The following SLC10A7 variants were observed in gnomAD, a reference collection of about 807,000 sequenced individuals.
SLC10A7 encodes sodium/bile acid cotransporter 7.
SLC10A7 carries 29 observed loss-of-function variants against 43.2 expected under a neutral mutation model. The observed-to-expected ratio is 0.67, with a 90% confidence interval of 0.50 to 0.92. The LOEUF is 0.92. Among genes scored for constraint, SLC10A7 ranks in the 40% least tolerant of loss-of-function variants. The pLI, the probability that SLC10A7 is intolerant of heterozygous loss-of-function variation, is 0.00. For synonymous variants in SLC10A7, 152 were observed against 144.8 expected (o/e 1.05, Z -0.35); for missense variants, 295 against 403.2 (o/e 0.73, Z 2.30).
rs147825238 is a variant in SLC10A7, at chr4:146,396,396, A to C, written c.435+46387T>G. ...TTTACCAAAAGCTTTAAATCAAATA[A>C]ATTATTTTTTACATTATGGTATGAA... On this transcript the variant is annotated intron_variant, in intron 5 of 11. Transcript: ENST00000335472. Among the ~76,000 whole-genome samples, 262 of 152,220 alleles carry C rather than the reference A, an allele frequency of 1.7e-3. 3 individuals are homozygous for C. The highest frequency in any genetic ancestry group is 0.012 in the Admixed American group (186 of 15,292).
chr4:146,493,073 C>T lies in SLC10A7; in HGVS notation c.396+10776G>A, dbSNP rs140597013. On this transcript the variant is annotated intron_variant, in intron 4 of 11. Transcript: ENST00000335472. ...TAAGAAAAACAACTTCATAAATATA[C>T]ACAAATACATGTGTAATTAGCATGT... Among the ~76,000 whole-genome samples the T allele has an allele frequency of 1.9e-3, 292 of 152,202 alleles. 2 individuals carry two copies. The highest frequency in any genetic ancestry group is 5.9e-3 in the African/African-American group (245 of 41,536).
intron 4 of SLC10A7, among the ~76,000 whole-genome samples, chr4:146,481,346 C>T (rs1734457059): frequency 6.6e-6 from 1 of 152,204 alleles, no homozygotes; most frequent in Non-Finnish European, 1.5e-5. Context: ...AAAGTCATTG[C>T]TGCACTGTGC....
Position 146,503,914 on chromosome 4 carries a change from C to T in SLC10A7, c.331G>A (p.Val111Ile). 1.2e-6 allele frequency: 2 copies of T among 1,614,094 alleles called. No individual in the cohort carries two copies. The highest frequency in any genetic ancestry group is 1.3e-5 in the African/African-American group (1 of 75,066). ...NEWLLKGLQTVGCMPPPVSSA... is the reference protein window; with the variant it reads ...NEWLLKGLQTIGCMPPPVSSA... ...GACACAGGCGGAGGCATGCAACCTA[C>T]TGTCTGCAAACTGAAAAATAAAAGA... The change falls in exon 4 of 12, where the codon GTA becomes ATA. Residue 111 changes from valine to isoleucine, a missense_variant. Val to Ile is a conservative substitution (Grantham distance 29, BLOSUM62 3). Coordinates refer to ENST00000335472, the MANE Select transcript of SLC10A7 (RefSeq NM_001029998.6).
intron 5 of SLC10A7, among the ~76,000 whole-genome samples, chr4:146,343,215 T>C (rs1285137521): frequency 6.6e-6 from 1 of 152,012 alleles, no homozygotes; most frequent in Admixed American, 6.6e-5. Flanking sequence ...TGGGTTCTGT[T>C]TTTCTATTTT....
chr4:146,501,749 C>T (rs966430647), intron 4 of SLC10A7, among the ~76,000 whole-genome samples: 2 of 152,182 alleles, frequency 1.3e-5, no homozygotes, highest in Non-Finnish European at 2.9e-5. Context: ...GGCTAATACT[C>T]CCCAAACCTG....
chr4:146,487,270 G>C (rs1403328793), intron 4 of SLC10A7, among the ~76,000 whole-genome samples: 1 of 152,128 alleles, frequency 6.6e-6, no homozygotes, highest in Non-Finnish European at 1.5e-5. Context: ...AGACTTCTCT[G>C]CCCTCTCCTT....
At chr4:146,464,562 A>G (rs553984429) in intron 4 of SLC10A7, among the ~76,000 whole-genome samples, 27 of 152,112 alleles carry the variant, frequency 1.8e-4, no homozygotes, top group Non-Finnish European at 3.2e-4. Context: ...GTACTTTAGG[A>G]CAGTAAATGA....
At chr4:146,281,206 C>A (rs1158171908) in intron 10 of SLC10A7, among the ~76,000 whole-genome samples, 2 of 151,898 alleles carry the variant, frequency 1.3e-5, no homozygotes, top group Non-Finnish European at 2.9e-5. Flanking sequence ...AGACAAAAAA[C>A]CCTGAATGGG....
At chr4:146,276,797 T>C (rs144730989) in intron 10 of SLC10A7, among the ~76,000 whole-genome samples, 1 of 152,074 alleles carries the variant, frequency 6.6e-6, no homozygotes, top group African/African-American at 2.4e-5. Flanking sequence ...CAAAAAAATT[T>C]TTAAAAATTA....
chr4:146,315,962 T>C (rs1240834284), intron 6 of SLC10A7, among the ~76,000 whole-genome samples: 1 of 152,148 alleles, frequency 6.6e-6, no homozygotes, highest in Non-Finnish European at 1.5e-5. Flanking sequence ...TAAATATTTA[T>C]TGAATACTTG....
At chr4:146,498,682 A>C (rs1579344282) in intron 4 of SLC10A7, among the ~76,000 whole-genome samples, 2 of 152,248 alleles carry the variant, frequency 1.3e-5, no homozygotes, top group East Asian at 3.8e-4. Flanking sequence ...AAACAGTATC[A>C]TTTGTTTACC....
At chr4:146,445,891 CTGTGTGTGTG>C (rs10678013) in intron 4 of SLC10A7, among the ~76,000 whole-genome samples, 2 of 148,586 alleles carry the variant, frequency 1.3e-5, no homozygotes, top group African/African-American at 2.5e-5. Context: ...CTTCTCTCTT[CTGTGTGTGTG>C]TGTGTGTGTG....
chr4:146,366,048 A>G (rs1458868419), intron 5 of SLC10A7, among the ~76,000 whole-genome samples: 1 of 152,190 alleles, frequency 6.6e-6, no homozygotes, highest in Non-Finnish European at 1.5e-5. Context: ...ATGCCTGATG[A>G]TCTGAGGTAA....
rs376337097 is a variant in SLC10A7 at position 146,346,082 on chromosome 4, A to C, written c.436-20086T>G. 2.0e-5 allele frequency among the ~76,000 whole-genome samples: 3 copies of C among 152,112 alleles called. No individual in the cohort carries two copies. The East Asian group carries it at 5.8e-4, about 29-fold the overall frequency. On this transcript the variant is annotated intron_variant, in intron 5 of 11. Transcript: ENST00000335472. ...CTCTATACTGTAGTTCAGTTGTCTT[A>C]TGGATGAAAAAGCATTTATGGGCCC...
intron 10 of SLC10A7, among the ~76,000 whole-genome samples, chr4:146,279,868 G>A (rs978950185): frequency 6.6e-6 from 1 of 152,078 alleles, no homozygotes; most frequent in South Asian, 2.1e-4. Context: ...GTACTAATAC[G>A]AAGAACTAAT....
rs1491190447 is a variant in SLC10A7 at position 146,356,051 on chromosome 4, A to ATATAT, written c.436-30056_436-30055insATATA. Among the ~76,000 whole-genome samples the ATATAT allele has an allele frequency of 3.8e-3, 534 of 140,108 alleles. 3 individuals are homozygous for ATATAT. Among genetic ancestry groups the ATATAT allele is most frequent in the East Asian group, 0.013 (62 of 4,754 alleles). 91.9% of individuals were successfully genotyped at this position (140,108 alleles called of 152,430 possible). ...ACTTAAAGTATAATAAAAAAAAAAA[A>ATATAT]ATATATATATATATATACATATATA... On this transcript the variant is annotated intron_variant, in intron 5 of 11. Coordinates refer to ENST00000335472, the MANE Select transcript of SLC10A7 (RefSeq NM_001029998.6).
intron 9 of SLC10A7, among the ~76,000 whole-genome samples, chr4:146,291,111 G>A (rs1730416532): frequency 6.6e-6 from 1 of 152,132 alleles, no homozygotes; most frequent in Admixed American, 6.5e-5. Flanking sequence ...TCATTAACAG[G>A]ATATCTGCAT....
intron 5 of SLC10A7, among the ~76,000 whole-genome samples, chr4:146,363,818 A>G (rs932843283): frequency 2.0e-5 from 3 of 152,160 alleles, no homozygotes; most frequent in African/African-American, 7.2e-5. Flanking sequence ...AAATGAAAAC[A>G]CAACATACCA....
At chr4:146,270,652 T>C (rs1728834635) in intron 10 of SLC10A7, among the ~76,000 whole-genome samples, 1 of 152,078 alleles carries the variant, frequency 6.6e-6, no homozygotes, top group Non-Finnish European at 1.5e-5. Context: ...AAGAGCCAGG[T>C]CTGGTATTGC....
Sources: allele counts gnomAD v4.1 joint callset (sites outside exome capture counted in the v4.1 genomes callset), GRCh38; gene constraint gnomAD v4.1.1; transcripts MANE v1.5; gene names NCBI Gene and HGNC (gene_info 2026-07-23, HGNC 2026-07-21).